Variants in PIR observed in about 807,000 individuals in gnomAD.
PIR encodes pirin (iron-binding nuclear protein).
In PIR, 22 loss-of-function variants were observed where a neutral mutation model predicts 24.2. That is an observed-to-expected ratio of 0.91 (90% CI 0.65 to 1.30). The LOEUF (loss-of-function observed/expected upper bound fraction) is 1.30. Among genes scored for constraint, PIR ranks in the 50% most tolerant of loss-of-function variants. The probability of loss-of-function intolerance (pLI) is 0.00; values close to 1 mark genes in which losing one functional copy is unlikely to be tolerated. For synonymous variants in PIR, 80 were observed against 79.6 expected (o/e 1.00, Z -0.03); for missense variants, 220 against 220.3 (o/e 1.00, Z 0.01).
chrX:15,409,479 A>G (rs1924665731), intron 6 of PIR, among the ~76,000 whole-genome samples: 1 of 111,507 alleles, frequency 9.0e-6, no homozygotes, highest in Non-Finnish European at 1.9e-5. Flanking sequence ...GGAAGATACA[A>G]AAATGAATAA....
intron 8 of PIR, among the ~76,000 whole-genome samples, chrX:15,396,924 T>C (rs1006132628): frequency 9.0e-6 from 1 of 111,311 alleles, no homozygotes; most frequent in Non-Finnish European, 1.9e-5. Flanking sequence ...GTATTTTTAG[T>C]GGACACGGGG....
At chrX:15,421,981 G>A (rs1183699618) in intron 6 of PIR, among the ~76,000 whole-genome samples, 2 of 111,717 alleles carry the variant, frequency 1.8e-5, no homozygotes, top group African/African-American at 6.5e-5. Flanking sequence ...ATGCAAAGAT[G>A]TTTCAACATT....
chrX:15,402,015 C>T (rs180713250), intron 7 of PIR, among the ~76,000 whole-genome samples: 8 of 112,172 alleles, frequency 7.1e-5, no homozygotes, highest in Non-Finnish European at 3.8e-5. Flanking sequence ...TTATTTTAAA[C>T]GAAAGCATAA....
At chrX:15,461,514 C>T (rs1462582940) in intron 3 of PIR, among the ~76,000 whole-genome samples, 1 of 112,676 alleles carries the variant, frequency 8.9e-6, no homozygotes, top group African/African-American at 3.2e-5. Context: ...GGTGCGGTGG[C>T]TCACACCTGT....
chrX:15,455,889 C>T lies in PIR; in HGVS notation c.439G>A (p.Val147Met). Residue 147 changes from valine to methionine, a missense_variant, in exon 5 of 10, where the codon GTG (valine) becomes ATG (methionine). Transcript: ENST00000380420. ...TCTCCAGAAATGACAGCAACTGTCACACCATCCTTACTGGGTTTAGGGATT... is the reference window on the plus strand; with the variant it reads ...TCTCCAGAAATGACAGCAACTGTCATACCATCCTTACTGGGTTTAGGGATT... The part of the protein sequence containing the change: ...EEIPKPSKDG[V>M]TVAVISGEAL... 2 of 1,210,902 alleles carry T rather than the reference C, an allele frequency of 1.7e-6. No homozygotes were observed. Among genetic ancestry groups the T allele is most frequent in the Non-Finnish European group, 2.2e-6 (2 of 894,525 alleles).
chrX:15,416,854 G>A (rs1266578964), intron 6 of PIR, among the ~76,000 whole-genome samples: 2 of 112,027 alleles, frequency 1.8e-5, no homozygotes, highest in African/African-American at 6.5e-5. Flanking sequence ...AATGCTGCCA[G>A]CAACCACATG....
chrX:15,452,165 G>A, intron 5 of PIR, among the ~76,000 whole-genome samples: 1 of 111,657 alleles, frequency 9.0e-6, no homozygotes, highest in Non-Finnish European at 1.9e-5. Flanking sequence ...AGCAGCAGGA[G>A]GCAAGTAGAG....
chrX:15,486,190 C>T (rs773253752), intron 2 of PIR, among the ~76,000 whole-genome samples: 1 of 105,387 alleles, frequency 9.5e-6, no homozygotes, highest in South Asian at 4.4e-4. Flanking sequence ...CCTGTCTCTA[C>T]TAAAAATACA....
intron 3 of PIR, among the ~76,000 whole-genome samples, chrX:15,470,515 G>A (rs1375135529): frequency 9.1e-6 from 1 of 109,339 alleles, no homozygotes; most frequent in Non-Finnish European, 1.9e-5. Context: ...TATATTTGGT[G>A]ATATAAAATA....
chrX:15,415,765 T>TA (rs1230927673), intron 6 of PIR, among the ~76,000 whole-genome samples: 2 of 111,294 alleles, frequency 1.8e-5, no homozygotes, highest in African/African-American at 3.3e-5. Flanking sequence ...TCAGTCAATT[T>TA]AAAAAACAAT....
intron 4 of PIR, among the ~76,000 whole-genome samples, chrX:15,457,389 C>A (rs1351620743): frequency 8.9e-6 from 1 of 112,130 alleles, no homozygotes; most frequent in Non-Finnish European, 1.9e-5. Context: ...GGCTATGAGG[C>A]AGGCCATCAA....
intron 8 of PIR, among the ~76,000 whole-genome samples, chrX:15,393,096 T>C (rs1924011114): frequency 8.9e-6 from 1 of 112,278 alleles, no homozygotes; most frequent in African/African-American, 3.2e-5. Flanking sequence ...TAAAAACCCA[T>C]ACAAAAGTAG....
intron 5 of PIR, among the ~76,000 whole-genome samples, chrX:15,438,244 A>G (rs1349885135): frequency 8.9e-6 from 1 of 112,614 alleles, no homozygotes; most frequent in Non-Finnish European, 1.9e-5. Flanking sequence ...GGGATCATTC[A>G]TGAATTCCTG....
At chrX:15,431,296 C>T (rs1005239808) in intron 5 of PIR, among the ~76,000 whole-genome samples, 3 of 111,754 alleles carry the variant, frequency 2.7e-5, no homozygotes, top group Admixed American at 9.5e-5. Context: ...TGTTAACTTT[C>T]GACGAATCTC....
intron 4 of PIR, among the ~76,000 whole-genome samples, chrX:15,456,945 T>A (rs1418840229): frequency 8.9e-6 from 1 of 112,560 alleles, no homozygotes; most frequent in East Asian, 2.8e-4. Flanking sequence ...CATAGATGCA[T>A]TTCCTACCTG....
intron 6 of PIR, among the ~76,000 whole-genome samples, chrX:15,422,429 A>G (rs1925164790): frequency 9.1e-6 from 1 of 110,372 alleles, no homozygotes; most frequent in African/African-American, 3.3e-5. Flanking sequence ...AAACTTAAAG[A>G]CTCCACCAAA....
intron 5 of PIR, among the ~76,000 whole-genome samples, chrX:15,441,124 T>A (rs1451954087): frequency 8.9e-6 from 1 of 111,896 alleles, no homozygotes; most frequent in Non-Finnish European, 1.9e-5. Flanking sequence ...GGGAGGCAAC[T>A]CAGGCTACGA....
intron 6 of PIR, among the ~76,000 whole-genome samples, chrX:15,417,734 T>G (rs945926592): frequency 4.5e-5 from 5 of 111,560 alleles, no homozygotes; most frequent in African/African-American, 1.3e-4. Flanking sequence ...CACTAATCCT[T>G]GGCTTGTGGG....
intron 7 of PIR, among the ~76,000 whole-genome samples, chrX:15,401,908 T>A (rs1468910381): frequency 1.8e-5 from 2 of 112,623 alleles, no homozygotes; most frequent in Non-Finnish European, 3.7e-5. Flanking sequence ...CTATCATAGG[T>A]TTGATATTAT....
Sources: gnomAD v4.1 joint callset for allele counts (sites outside exome capture counted in the v4.1 genomes callset) on GRCh38, gnomAD v4.1.1 for gene constraint, MANE v1.5 for transcripts, NCBI Gene and HGNC (gene_info 2026-07-23, HGNC 2026-07-21) for gene names.